SH3BP4: variants seen among roughly 807,000 people sequenced by gnomAD.
The protein encoded by SH3BP4 is SH3 domain-binding protein 4.
Under a neutral mutation model 65.5 loss-of-function variants are expected in SH3BP4, and 33 were observed. That is an observed-to-expected ratio of 0.50 (90% CI 0.38 to 0.67). The LOEUF (loss-of-function observed/expected upper bound fraction) is 0.67. SH3BP4 is among the 30% of genes least tolerant of loss of function. The pLI is 0.00. For synonymous variants in SH3BP4, 552 were observed against 545.5 expected (o/e 1.01, Z -0.17); for missense variants, 1,134 against 1,261.4 (o/e 0.90, Z 1.53).
intron 1 of SH3BP4, among the ~76,000 whole-genome samples, chr2:234,957,089 C>T (rs951846346): frequency 1.3e-5 from 2 of 152,042 alleles, no homozygotes; most frequent in Non-Finnish European, 2.9e-5. Flanking sequence ...GGTGCAATCT[C>T]GGCTCACTGC....
At position 234,997,304 on chromosome 2, in the gene SH3BP4, G is replaced by A. The variant is rs568898226; in HGVS notation, c.-133+1928G>A. 1.3e-5 allele frequency among the ~76,000 whole-genome samples: 2 copies of A among 152,232 alleles called. No individual in the cohort carries two copies. The highest frequency in any genetic ancestry group is 2.9e-5 in the Non-Finnish European group (2 of 68,036). ...CACAGTCTGATTTGCCTGGGGGTCA[G>A]TGAGAGACACGGCTACCCAGGGTTT... On this transcript the variant is annotated intron_variant, in intron 2 of 5. Coordinates refer to ENST00000392011, the MANE Select transcript of SH3BP4 (RefSeq NM_014521.3). The surrounding 1 kb of genome is among the most constrained non-coding windows in gnomAD (Gnocchi z 4.2).
chr2:235,051,334 A>G (rs561036379), intron 4 of SH3BP4, among the ~76,000 whole-genome samples: 2 of 152,260 alleles, frequency 1.3e-5, no homozygotes, highest in South Asian at 2.1e-4. Flanking sequence ...TCTTTAAACC[A>G]GAAGTGTGAG....
chr2:234,988,810 C>T (rs771649366), intron 1 of SH3BP4, among the ~76,000 whole-genome samples: 25 of 152,174 alleles, frequency 1.6e-4, no homozygotes, highest in Non-Finnish European at 3.1e-4. Context: ...GCTTAGTATT[C>T]ATTCTAGGTT....
intron 2 of SH3BP4, among the ~76,000 whole-genome samples, chr2:235,000,299 G>T (rs1175257859): frequency 1.3e-5 from 2 of 152,172 alleles, no homozygotes; most frequent in African/African-American, 4.8e-5. Flanking sequence ...CCTGCTTATG[G>T]AGGGCCCCCG....
At position 235,053,529 on chromosome 2, in the gene SH3BP4, G is replaced by A. The variant is rs114792935; in HGVS notation, c.2668-63G>A. 286 of 1,295,778 alleles carry A rather than the reference G, an allele frequency of 2.2e-4. 2 individuals are homozygous for A. The African/African-American group carries it at 3.5e-3, about 16-fold the overall frequency. 80.3% of individuals were successfully genotyped at this position (1,295,778 alleles called of 1,614,324 possible). A position where few individuals can be genotyped will look rare whatever the true frequency, so the allele number is the denominator to read the frequency against. ...GCACCAAGTAATAGGAACAAATCTC[G>A]TTCTGTCTCCTAATCTTTCTTCCTC... On this transcript the variant is annotated intron_variant, in intron 5 of 5. Coordinates refer to ENST00000392011, the MANE Select transcript of SH3BP4 (RefSeq NM_014521.3).
At chr2:235,007,561 G>A (rs1694335609) in intron 2 of SH3BP4, among the ~76,000 whole-genome samples, 1 of 152,224 alleles carries the variant, frequency 6.6e-6, no homozygotes, top group South Asian at 2.1e-4. Context: ...CCAAATGTCA[G>A]CAGTGATAAG....
At chr2:234,972,212 AC>A (rs1693023732) in intron 1 of SH3BP4, among the ~76,000 whole-genome samples, 1 of 150,386 alleles carries the variant, frequency 6.6e-6, no homozygotes, top group South Asian at 2.1e-4. Flanking sequence ...GCTCACTGCA[AC>A]CTCTGCCTCC....
intron 5 of SH3BP4, 63 bp from the exon 6 acceptor site, chr2:235,053,529 G>T (rs114792935): frequency 5.4e-6 from 7 of 1,295,666 alleles, no homozygotes; most frequent in African/African-American, 2.9e-5. Context: ...AACAAATCTC[G>T]TTCTGTCTCC....
At chr2:235,001,213 G>A (rs1430779581) in intron 2 of SH3BP4, among the ~76,000 whole-genome samples, 2 of 152,200 alleles carry the variant, frequency 1.3e-5, no homozygotes, top group Non-Finnish European at 2.9e-5. Flanking sequence ...CTGGGCTCCC[G>A]GGCCCTTGGC....
At chr2:235,050,676 C>T (rs541133592) in intron 4 of SH3BP4, among the ~76,000 whole-genome samples, 48 of 151,902 alleles carry the variant, frequency 3.2e-4, no homozygotes, top group Non-Finnish European at 6.2e-4. Context: ...TGTTAGACTC[C>T]CCCCAGGTAA....
chr2:234,959,653 CTT>C (rs148083180), intron 1 of SH3BP4, among the ~76,000 whole-genome samples: 96,046 of 123,526 alleles, frequency 0.78, 36,780 homozygotes, highest in Non-Finnish European at 0.84. Context: ...GAGGATTTGA[CTT>C]TTTTTTTTTT....
At chr2:234,973,613 C>G (rs1413167947) in intron 1 of SH3BP4, among the ~76,000 whole-genome samples, 3 of 151,916 alleles carry the variant, frequency 2.0e-5, no homozygotes, top group Non-Finnish European at 4.4e-5. Context: ...TCACTTAATT[C>G]AGCTGTAGGC....
At chr2:235,002,081 A>C (rs998002709) in intron 2 of SH3BP4, among the ~76,000 whole-genome samples, 2 of 152,086 alleles carry the variant, frequency 1.3e-5, no homozygotes, top group Admixed American at 6.6e-5. Flanking sequence ...GGCTGATCTC[A>C]AACTCCTGAC....
At chr2:234,972,859 T>C (rs990120728) in intron 1 of SH3BP4, among the ~76,000 whole-genome samples, 2 of 152,254 alleles carry the variant, frequency 1.3e-5, no homozygotes, top group African/African-American at 4.8e-5. Flanking sequence ...AACAAGCCTT[T>C]TTCCCGGCTT....
At chr2:235,020,396 C>A (rs770723435) in intron 2 of SH3BP4, among the ~76,000 whole-genome samples, 1 of 152,056 alleles carries the variant, frequency 6.6e-6, no homozygotes, top group Non-Finnish European at 1.5e-5. Flanking sequence ...ACTCAGGAGA[C>A]AGGGGCAGGA....
intron 2 of SH3BP4, among the ~76,000 whole-genome samples, chr2:235,019,873 T>TA (rs199714068): frequency 0.03 from 3,358 of 112,522 alleles, 128 homozygotes; most frequent in African/African-American, 0.091. Flanking sequence ...TAAAGATTCT[T>TA]AAAAAAAAAA....
At chr2:235,012,702 C>T (rs1316128287) in intron 2 of SH3BP4, among the ~76,000 whole-genome samples, 4 of 152,226 alleles carry the variant, frequency 2.6e-5, no homozygotes, top group Non-Finnish European at 5.9e-5. Context: ...GAGTGCATTA[C>T]GCACATCTAA....
intron 2 of SH3BP4, among the ~76,000 whole-genome samples, chr2:235,003,671 T>C (rs1252119782): frequency 2.0e-5 from 3 of 152,182 alleles, no homozygotes; most frequent in Admixed American, 2.0e-4. Flanking sequence ...GAGTGAGAAG[T>C]TGCAGTTATG....
chr2:234,996,087 C>T (rs987627847), intron 2 of SH3BP4: 2 of 152,186 alleles, frequency 1.3e-5, no homozygotes, highest in African/African-American at 2.4e-5. Flanking sequence ...ATAGGATCAC[C>T]TACCTCATAG....
Sources: allele counts gnomAD v4.1 joint callset (sites outside exome capture counted in the v4.1 genomes callset), GRCh38; gene constraint gnomAD v4.1.1; non-coding constraint Gnocchi (gnomAD v3.1); transcripts MANE v1.5; gene names NCBI Gene and HGNC (gene_info 2026-07-23, HGNC 2026-07-21).